RAD50: variants seen among roughly 807,000 people sequenced by gnomAD.
The protein encoded by RAD50 is RAD50 double strand break repair protein, also known as DNA repair protein RAD50.
In RAD50, 132 loss-of-function variants were observed where a neutral mutation model predicts 168.8. The ratio of observed to expected loss-of-function variants is 0.78; its 90% confidence interval spans 0.68 to 0.90. The LOEUF (loss-of-function observed/expected upper bound fraction) is 0.90, where lower values mean the gene tolerates loss of function less well. RAD50 is among the 40% of genes least tolerant of loss of function. The pLI, the probability that RAD50 is intolerant of heterozygous loss-of-function variation, is 0.00. For missense variants in RAD50, 1,347 were observed against 1,534.4 expected (o/e 0.88, Z 2.04); for synonymous variants, 525 against 497.4 (o/e 1.06, Z -0.74).
intron 14 of RAD50, 67 bp from the exon 15 acceptor site, chr5:132,603,849 CAATT>C (rs1318471016): frequency 2.3e-6 from 3 of 1,314,618 alleles, no homozygotes; most frequent in Non-Finnish European, 2.1e-6. Flanking sequence ...ATGATAAGAG[CAATT>C]AATTTTTAAA....
chr5:132,583,958 A>T (rs1580989923), intron 5 of RAD50, among the ~76,000 whole-genome samples: 1 of 151,982 alleles, frequency 6.6e-6, no homozygotes, highest in African/African-American at 2.4e-5. Flanking sequence ...CGGCCTCCCA[A>T]AGTGCTGGGA....
intron 2 of RAD50, among the ~76,000 whole-genome samples, chr5:132,566,857 T>C (rs137933296): frequency 2.0e-5 from 3 of 152,370 alleles, no homozygotes; most frequent in Admixed American, 2.0e-4. Context: ...TCTCATCTGG[T>C]TAACTTCTAC....
chr5:132,581,827 G>C (rs1245261232), intron 5 of RAD50, among the ~76,000 whole-genome samples: 1 of 151,998 alleles, frequency 6.6e-6, no homozygotes, highest in East Asian at 1.9e-4. Context: ...CTCTGTGTGG[G>C]TCCCGTGGTA....
rs1483983735 is a variant in RAD50 at position 132,643,708 on chromosome 5, TG to T, written c.*1349del. The T allele has an allele frequency of 2.1e-4, 13 of 63,258 alleles. No individual in the cohort carries two copies. The highest frequency in any genetic ancestry group is 6.1e-3 in the Middle Eastern group (1 of 164). The allele number at this position is 63,258 out of a possible 1,614,324, so 3.9% of individuals were successfully genotyped here. A position where few individuals can be genotyped will look rare whatever the true frequency, so the allele number is the denominator to read the frequency against. On this transcript the variant is annotated 3_prime_UTR_variant, in exon 25 of 25. Transcript: ENST00000378823. ...CTAAGGACCTTAAGACAGAGTATCC[TG>T]GGGGTGGTGGTGGGGTGGGGGGGGG... is the stretch of plus-strand genomic sequence containing the variant.
chr5:132,563,927 C>G (rs1301616369), intron 2 of RAD50, among the ~76,000 whole-genome samples: 4 of 152,134 alleles, frequency 2.6e-5, no homozygotes, highest in Admixed American at 6.5e-5. Flanking sequence ...TCCTCCTGTT[C>G]TGGCCGTGTA....
chr5:132,617,098 T>C (rs1042874736), intron 20 of RAD50, among the ~76,000 whole-genome samples: 2 of 152,188 alleles, frequency 1.3e-5, no homozygotes, highest in African/African-American at 2.4e-5. Flanking sequence ...GAGGAAATTA[T>C]GATGAAAGCC....
At chr5:132,610,844 A>G (rs773997913) in intron 19 of RAD50, among the ~76,000 whole-genome samples, 9 of 152,236 alleles carry the variant, frequency 5.9e-5, no homozygotes, top group Non-Finnish European at 8.8e-5. Context: ...GTTAAGATTA[A>G]TGATCTATGA....
intron 21 of RAD50, among the ~76,000 whole-genome samples, chr5:132,633,915 CT>C (rs1404913022): frequency 6.6e-6 from 1 of 151,442 alleles, no homozygotes; most frequent in African/African-American, 2.4e-5. Flanking sequence ...TTTTTTTTAT[CT>C]TTTGTAACAC....
chr5:132,580,052 C>T lies in RAD50; in HGVS notation c.742C>T (p.Leu248Phe). ...KEIVKSYENE[L>F]DPLKNRLKEI... ...AATTGTCAAATCCTATGAGAATGAA[C>T]TTGATCCATTGAAGGTAACTTGATT... The change falls in exon 5 of 25, where the codon CTT becomes TTT. Residue 248 changes from leucine to phenylalanine, a missense_variant. Physicochemically the swap from Leu to Phe is conservative, Grantham distance 22 (BLOSUM62 0). Coordinates refer to ENST00000378823, the MANE Select transcript of RAD50 (RefSeq NM_005732.4). 6.2e-7 allele frequency: 1 copy of T among 1,610,198 alleles called. No homozygotes were observed.
chr5:132,643,341 C>T lies in RAD50; in HGVS notation c.*977C>T. 1 of 250,894 alleles carries T rather than the reference C, an allele frequency of 4.0e-6. No individual in the cohort carries two copies. The highest frequency in any genetic ancestry group is 8.1e-6 in the Non-Finnish European group (1 of 123,222). The allele number at this position is 250,894 out of a possible 1,614,324, so 15.5% of individuals were successfully genotyped here. On this transcript the variant is annotated 3_prime_UTR_variant, in exon 25 of 25. Coordinates refer to ENST00000378823, the MANE Select transcript of RAD50 (RefSeq NM_005732.4). The stretch of plus-strand genomic sequence containing the variant: ...CTAATCACAGTTTTTCCTGGAATTG[C>T]CAGCTGACATCTTGAATCCTTCCAT...
At chr5:132,605,118 C>T in intron 16 of RAD50, 119 bp downstream of exon 16, 2 of 668,800 alleles carry the variant, frequency 3.0e-6, no homozygotes, top group Non-Finnish European at 4.6e-6. Context: ...GATCTCGGCT[C>T]ACTGCAACCT....
chr5:132,561,800 G>T (rs757200177), intron 2 of RAD50, among the ~76,000 whole-genome samples: 1 of 134,708 alleles, frequency 7.4e-6, no homozygotes, highest in African/African-American at 2.8e-5. Flanking sequence ...CCCCACCCCC[G>T]CCAGTTTTGT....
At chr5:132,558,693 GAC>G (rs1373316341) in intron 1 of RAD50, among the ~76,000 whole-genome samples, 4 of 132,352 alleles carry the variant, frequency 3.0e-5, no homozygotes, top group Admixed American at 8.8e-5. Flanking sequence ...CAGCCTGGGT[GAC>G]AGAGGGAGAC....
At chr5:132,608,798 CTTATTTCA>C (rs1278266826) in intron 17 of RAD50, 73 bp downstream of exon 17, 27 of 1,506,266 alleles carry the variant, frequency 1.8e-5, no homozygotes, top group Middle Eastern at 2.4e-4. Context: ...ACGTCGGACA[CTTATTTCA>C]CATGAAATTA....
At position 132,559,273 on chromosome 5, in the gene RAD50, T is replaced by C. The variant is rs1750077295; in HGVS notation, c.130-11T>C. ...CTTATAACGAAATAATGTAATTTTC[T>C]ATTTCTTTAGACCATCATTGAATGT... On this transcript the variant is annotated splice_polypyrimidine_tract_variant and intron_variant, in intron 1 of 24. Transcript: ENST00000378823. 2.5e-6 allele frequency: 4 copies of C among 1,590,948 alleles called. No homozygotes were observed. Among genetic ancestry groups the C allele is most frequent in the East Asian group, 2.2e-5 (1 of 44,544 alleles).
chr5:132,589,950 T>A (rs1411304833), intron 9 of RAD50, 113 bp downstream of exon 9: 2 of 999,734 alleles, frequency 2.0e-6, no homozygotes, highest in Non-Finnish European at 3.0e-6. Flanking sequence ...CAACTTTGTC[T>A]TATTCTCATG....
In RAD50 at chr5:132,608,678, GAATT is replaced by G; in HGVS notation, c.2786_2789del (p.Leu929SerfsTer10). On this transcript the variant is annotated frameshift_variant, in exon 17 of 25. Coordinates refer to ENST00000378823, the MANE Select transcript of RAD50 (RefSeq NM_005732.4). LOFTEE classifies it high-confidence loss of function. ...GGAAAAGTTCCAGCAAGAAAAAGAA[GAATT>G]AATCAACAAAAAAAATACAAGCAAC... 1 of 1,599,470 alleles carries G rather than the reference GAATT, an allele frequency of 6.3e-7. No homozygotes were observed. Among genetic ancestry groups the G allele is most frequent in the Non-Finnish European group, 8.5e-7 (1 of 1,173,052 alleles).
In RAD50 at chr5:132,640,789, G is replaced by A. The variant is rs1561661047; in HGVS notation, c.3736G>A (p.Ala1246Thr). Residue 1246 changes from alanine (A) to threonine (T), a missense_variant, in exon 24 of 25, where the codon GCA becomes ACA. By Grantham distance (58) the Ala-to-Thr change is moderately conservative. This residue lies in a region of RAD50 where 635 missense variants were observed against 739.2 expected (regional missense o/e 0.86). Coordinates refer to ENST00000378823, the MANE Select transcript of RAD50 (RefSeq NM_005732.4). ...TGACCGAGAAAACATTGAATCTCTT[G>A]CACATGCTCTGGTTGAGTAAGTATC... ...NLDRENIESL[A>T]HALVEIIKSR... 10 of 1,613,204 alleles carry A rather than the reference G, an allele frequency of 6.2e-6. No individual in the cohort carries two copies. Among genetic ancestry groups the A allele is most frequent in the Non-Finnish European group, 7.6e-6 (9 of 1,179,472 alleles).
In RAD50 at chr5:132,609,137, G is replaced by T; in HGVS notation, c.2850G>T (p.Lys950Asn). 1 of 1,611,516 alleles carries T rather than the reference G, an allele frequency of 6.2e-7. No homozygotes were observed. The highest frequency in any genetic ancestry group is 1.1e-5 in the South Asian group (1 of 90,472). ...TACAGCTGAATGATATTAAAGAGAA[G>T]GTTAAAAATATTCATGGCTATATGA... ...AQDKLNDIKE[K>N]VKNIHGYMKD... Residue 950 changes from lysine to asparagine, a missense_variant, in exon 18 of 25, where the codon AAG (lysine) becomes AAT (asparagine). Physicochemically the swap from Lys to Asn is moderately conservative, Grantham distance 94. Around this residue, in one of 3 missense-constraint regions of RAD50, gnomAD observed 635 missense variants for 739.2 expected, o/e 0.86. Coordinates refer to ENST00000378823, the MANE Select transcript of RAD50 (RefSeq NM_005732.4).
Sources: allele counts gnomAD v4.1 joint callset (sites outside exome capture counted in the v4.1 genomes callset), GRCh38; gene constraint gnomAD v4.1.1; regional missense constraint gnomAD v4.1.1; transcripts MANE v1.5; gene names NCBI Gene and HGNC (gene_info 2026-07-23, HGNC 2026-07-21).